Variants in ABCA7 observed in about 807,000 individuals in gnomAD.
ABCA7 encodes the protein phospholipid-transporting ATPase ABCA7.
In ABCA7, 261 loss-of-function variants were observed where a neutral mutation model predicts 227.6. That is an observed-to-expected ratio of 1.15 (90% CI 1.04 to 1.27). The LOEUF (loss-of-function observed/expected upper bound fraction) is 1.27, where lower values mean the gene tolerates loss of function less well. ABCA7 is among the 50% of genes most tolerant of loss of function. The pLI is 0.00. For synonymous variants in ABCA7, 1,488 were observed against 1,279.7 expected (o/e 1.16, Z -3.47); for missense variants, 3,331 against 2,924.5 (o/e 1.14, Z -3.21).
chr19:1,058,826 G>A lies in ABCA7; in HGVS notation c.5286G>A (p.Arg1762=). 2 of 1,580,030 alleles carry A rather than the reference G, an allele frequency of 1.3e-6. No homozygotes were observed. Among genetic ancestry groups the A allele is most frequent in the Non-Finnish European group, 1.7e-6 (2 of 1,160,018 alleles). The change falls in exon 39 of 47, where the codon AGG becomes AGA. Residue 1762 remains arginine (R), a synonymous_variant. Coordinates refer to ENST00000263094, the MANE Select transcript of ABCA7 (RefSeq NM_019112.4). ...QHRSQLLPQP[R]VRSLPLLGEE... is the part of the protein sequence containing the mutation. Reference sequence around the variant, plus strand: ...ACAGATATTCTGTCCCCAGGCCCAGGGTGAGGTCTCTGCCACTCCTGGGAG... The same window carrying A: ...ACAGATATTCTGTCCCCAGGCCCAGAGTGAGGTCTCTGCCACTCCTGGGAG...
In ABCA7 at chr19:1,056,599, A is replaced by C. The variant is rs1465578366; in HGVS notation, c.4586+100A>C. The C allele has an allele frequency of 1.6e-5, 22 of 1,381,492 alleles. No individual in the cohort carries two copies. The highest frequency in any genetic ancestry group is 2.2e-5 in the Non-Finnish European group (22 of 1,022,030). 85.6% of individuals were successfully genotyped at this position (1,381,492 alleles called of 1,614,324 possible). A position where few individuals can be genotyped will look rare whatever the true frequency, so the allele number is the denominator to read the frequency against. On this transcript the variant is annotated intron_variant, in intron 33 of 46. Transcript: ENST00000263094. This position sits in a 1 kb window ranked among gnomAD's most constrained non-coding sequence, Gnocchi z 4.3. ...GGGAGCTGGATTTGAACCCTGACAC[A>C]CTCTTGCTTTATAAATGGGGGATAG...
At chr19:1,044,056 C>T (rs931784895) in intron 10 of ABCA7, among the ~76,000 whole-genome samples, 4 of 149,938 alleles carry the variant, frequency 2.7e-5, no homozygotes, top group Admixed American at 6.7e-5. Context: ...TCCTGTCTCA[C>T]CCTCTGAGTA....
chr19:1,049,358 CG>C lies in ABCA7; in HGVS notation c.2478del (p.Leu827SerfsTer28), dbSNP rs745310748. 1 of 1,611,530 alleles carries C rather than the reference CG, an allele frequency of 6.2e-7. No individual in the cohort carries two copies. Among genetic ancestry groups the C allele is most frequent in the South Asian group, 1.1e-5 (1 of 91,058 alleles). Reference protein sequence around the residue: ...RFPGSPQPALRGLSLDFYQGH... With the variant: ...RFPGSPQPALXGLSLDFYQGH... ...TCCTGGAAGCCCGCAGCCAGCCCTG[CG>C]GGGGCTCAGCCTGGACTTCTACCAG... On this transcript the variant is annotated frameshift_variant, in exon 18 of 47. Coordinates refer to ENST00000263094, the MANE Select transcript of ABCA7 (RefSeq NM_019112.4). LOFTEE classifies it high-confidence loss of function.
chr19:1,040,668 T>C (rs1052931573), intron 1 of ABCA7, among the ~76,000 whole-genome samples: 5 of 152,160 alleles, frequency 3.3e-5, no homozygotes, highest in African/African-American at 1.2e-4. Flanking sequence ...CAGGAGTCTC[T>C]ATCCCAGCCC....
Position 1,056,254 on chromosome 19 carries a change from G to C in ABCA7, c.4416+11G>C, listed in dbSNP as rs764294615. On this transcript the variant is annotated intron_variant, in intron 32 of 46. Transcript: ENST00000263094. The surrounding 1 kb of genome is among the most constrained non-coding windows in gnomAD (Gnocchi z 4.3). ...CAGGACAGTCTCAAGGTGGGAACTG[G>C]GGGGGCAGGTGGGCGTCCTGTCACA... is the stretch of plus-strand genomic sequence containing the variant. The C allele has an allele frequency of 1.9e-6, 3 of 1,590,268 alleles. No individual in the cohort carries two copies. Among genetic ancestry groups the C allele is most frequent in the South Asian group, 1.1e-5 (1 of 89,284 alleles).
intron 40 of ABCA7, among the ~76,000 whole-genome samples, chr19:1,059,666 C>G (rs1018685243): frequency 2.0e-5 from 3 of 152,062 alleles, no homozygotes; most frequent in African/African-American, 7.2e-5. Context: ...CGGGTTCACA[C>G]CATTTTCCTG....
chr19:1,045,514 T>C (rs2040537254), intron 12 of ABCA7: 3 of 448,622 alleles, frequency 6.7e-6, no homozygotes, highest in East Asian at 4.0e-5. Flanking sequence ...ATTAGGTCCC[T>C]GGAATAAGGG....
At position 1,045,282 on chromosome 19, in the gene ABCA7, C is replaced by T. The variant is rs774935197; in HGVS notation, c.1445+51C>T. 142 of 1,489,990 alleles carry T rather than the reference C, an allele frequency of 9.5e-5. 2 individuals carry two copies. In the South Asian group the frequency reaches 1.3e-3, roughly 14 times the overall value. 92.3% of individuals were successfully genotyped at this position (1,489,990 alleles called of 1,614,324 possible). ...ATGAGGGACTGGGCGGGGCCAAGAG[C>T]GTGGTGGGTGGGGCCAGGCAGCATT... On this transcript the variant is annotated intron_variant, in intron 12 of 46. Coordinates refer to ENST00000263094, the MANE Select transcript of ABCA7 (RefSeq NM_019112.4).
At position 1,058,742 on chromosome 19, in the gene ABCA7, G is replaced by A. The variant is rs367980076; in HGVS notation, c.5274G>A (p.Leu1758=). Residue 1758 remains leucine, a synonymous_variant, in exon 38 of 47, where the codon CTG becomes CTA. Coordinates refer to ENST00000263094, the MANE Select transcript of ABCA7 (RefSeq NM_019112.4). ...TLLLQHRSQL[L]PQPRVRSLPL... ...TGCTGCAGCACCGAAGCCAACTCCT[G>A]CCACAGTTAGTGAGGTCTATGGAGA... 41 of 1,613,644 alleles carry A rather than the reference G, an allele frequency of 2.5e-5. No homozygotes were observed. In the African/African-American group the frequency reaches 5.2e-4, roughly 20 times the overall value.
At chr19:1,062,721 A>G (rs1464895205) in intron 42 of ABCA7, among the ~76,000 whole-genome samples, 1 of 151,208 alleles carries the variant, frequency 6.6e-6, no homozygotes, top group Non-Finnish European at 1.5e-5. Flanking sequence ...TGCCTCTTCC[A>G]TCTGCTTGGG....
intron 18 of ABCA7, among the ~76,000 whole-genome samples, chr19:1,050,342 G>T (rs1301942261): frequency 1.3e-5 from 2 of 151,734 alleles, no homozygotes; most frequent in Admixed American, 6.6e-5. Flanking sequence ...AACCCTGGAG[G>T]CGGAGGTTGC....
intron 16 of ABCA7, 113 bp from the exon 17 acceptor site, chr19:1,048,782 C>G (rs906408051): frequency 4.7e-5 from 25 of 537,014 alleles, no homozygotes; most frequent in Middle Eastern, 8.7e-4. Context: ...GCACTCCAGC[C>G]TGGGCAACAG....
intron 37 of ABCA7, 109 bp downstream of exon 37, chr19:1,058,378 A>C: frequency 1.3e-6 from 2 of 1,492,612 alleles, no homozygotes; most frequent in Non-Finnish European, 1.8e-6. Context: ...GGAGACAGCC[A>C]GGGTTCTTAG....
In ABCA7 at chr19:1,065,150, G is replaced by A. The variant is rs745682229; in HGVS notation, c.6264G>A (p.Val2088=). ...AGCACGGCGTGGAGGACTTTTCCGT[G>A]AGCCAGACGATGCTGGAGGAGGTGA... ...GAEHGVEDFS[V]SQTMLEEVFL... The change falls in exon 46 of 47, where the codon GTG becomes GTA. Residue 2088 remains valine, a synonymous_variant. Transcript: ENST00000263094. 14 of 1,592,134 alleles carry A rather than the reference G, an allele frequency of 8.8e-6. No individual in the cohort carries two copies. The highest frequency in any genetic ancestry group is 1.2e-5 in the Non-Finnish European group (14 of 1,166,898).
chr19:1,048,568 G>A (rs1461366449), intron 16 of ABCA7, among the ~76,000 whole-genome samples: 1 of 149,878 alleles, frequency 6.7e-6, no homozygotes, highest in African/African-American at 2.5e-5. Flanking sequence ...CCAGCACTTT[G>A]GGAGGCCGAG....
chr19:1,060,219 T>C (rs1035418963), intron 40 of ABCA7, among the ~76,000 whole-genome samples: 16 of 137,114 alleles, frequency 1.2e-4, no homozygotes, highest in African/African-American at 4.5e-4. Flanking sequence ...TTTTTTTTCT[T>C]TTTTTTTCTT....
intron 45 of ABCA7, 56 bp downstream of exon 45, chr19:1,064,309 C>G (rs574713574): frequency 6.7e-7 from 1 of 1,491,428 alleles, no homozygotes; most frequent in South Asian, 1.3e-5. Context: ...CGTAGGTAGG[C>G]TCAGGGGAGA....
chr19:1,062,335 C>T lies in ABCA7; in HGVS notation c.5712+22C>T, dbSNP rs373884661. On this transcript the variant is annotated intron_variant, in intron 42 of 46. Coordinates refer to ENST00000263094, the MANE Select transcript of ABCA7 (RefSeq NM_019112.4). Reference sequence around the variant, plus strand: ...CCAGGTGAGCCCACTTTGTCCCCACCGCTCTCACCTCCCAGGGCCCACCCG... The same window carrying T: ...CCAGGTGAGCCCACTTTGTCCCCACTGCTCTCACCTCCCAGGGCCCACCCG... The T allele has an allele frequency of 1.3e-4, 208 of 1,597,056 alleles. No homozygotes were observed. The African/African-American group carries it at 2.5e-3, about 19-fold the overall frequency.
At chr19:1,057,790 AC>A in intron 35 of ABCA7, 124 bp from the exon 36 acceptor site, 3 of 1,308,722 alleles carry the variant, frequency 2.3e-6, no homozygotes, top group African/African-American at 3.0e-5. Flanking sequence ...AAAAAAAAAA[AC>A]AGAAATGTGC....
Sources: gnomAD v4.1 joint callset for allele counts (sites outside exome capture counted in the v4.1 genomes callset) on GRCh38, gnomAD v4.1.1 for gene constraint, Gnocchi (gnomAD v3.1) non-coding constraint, MANE v1.5 for transcripts, NCBI Gene and HGNC (gene_info 2026-07-23, HGNC 2026-07-21) for gene names.